The following SLC24A3 variants were observed in gnomAD, a reference collection of about 807,000 sequenced individuals.
SLC24A3 encodes sodium/potassium/calcium exchanger 3.
SLC24A3 carries 28 observed loss-of-function variants against 75.8 expected under a neutral mutation model. That is an observed-to-expected ratio of 0.37 (90% confidence interval 0.27 to 0.51). The LOEUF is 0.51. Among genes scored for constraint, SLC24A3 ranks in the 20% least tolerant of loss-of-function variants. SLC24A3 has a pLI of 0.94. For synonymous variants in SLC24A3, 372 were observed against 334.1 expected, an observed-to-expected ratio of 1.11 and a Z score of -1.24; for missense variants, 663 against 847.8, an observed-to-expected ratio of 0.78 and a Z score of 2.71.
At chr20:19,276,995 A>G (rs768113202) in intron 1 of SLC24A3, among the ~76,000 whole-genome samples, 5 of 152,304 alleles carry the variant, frequency 3.3e-5, no homozygotes, top group East Asian at 1.9e-4. Flanking sequence ...GGAAACAACC[A>G]TCTTTGAAAT....
chr20:19,716,901 C>T (rs1262172464), intron 15 of SLC24A3, among the ~76,000 whole-genome samples: 1 of 152,064 alleles, frequency 6.6e-6, no homozygotes, highest in African/African-American at 2.4e-5. Flanking sequence ...TCCAAATATG[C>T]TTCTCTTTTT....
chr20:19,381,101 A>C (rs144120432), intron 2 of SLC24A3, among the ~76,000 whole-genome samples: 197 of 152,270 alleles, frequency 1.3e-3, no homozygotes, highest in African/African-American at 4.5e-3. Context: ...TAATATACAC[A>C]CCACTATTAC....
At chr20:19,582,802 C>G (rs1013046710) in intron 4 of SLC24A3, among the ~76,000 whole-genome samples, 8 of 152,180 alleles carry the variant, frequency 5.3e-5, no homozygotes, top group African/African-American at 1.9e-4. Flanking sequence ...GAAGAGTGAA[C>G]ATGAACCAAA....
At chr20:19,364,853 A>T (rs533812651) in intron 2 of SLC24A3, among the ~76,000 whole-genome samples, 1 of 152,260 alleles carries the variant, frequency 6.6e-6, no homozygotes, top group East Asian at 1.9e-4. Flanking sequence ...CAGTGCCATT[A>T]TCTGCAGGGT....
At chr20:19,513,297 C>T (rs1443430583) in intron 2 of SLC24A3, among the ~76,000 whole-genome samples, 1 of 152,190 alleles carries the variant, frequency 6.6e-6, no homozygotes, top group Non-Finnish European at 1.5e-5. Context: ...GGGTGTGCAG[C>T]CCTTCTCCCA....
intron 6 of SLC24A3, among the ~76,000 whole-genome samples, chr20:19,632,331 G>T (rs146918911): frequency 1.3e-5 from 2 of 152,260 alleles, no homozygotes; most frequent in East Asian, 1.9e-4. Flanking sequence ...TAAAATCGAG[G>T]TGTCGGTAGG....
In SLC24A3 at chr20:19,593,239, G is replaced by A. The variant is rs564632289; in HGVS notation, c.612+7695G>A. 9.2e-5 allele frequency among the ~76,000 whole-genome samples: 14 copies of A among 152,296 alleles called. No homozygotes were observed. The South Asian group carries it at 2.5e-3, about 27-fold the overall frequency. On this transcript the variant is annotated intron_variant, in intron 6 of 16. Coordinates refer to ENST00000328041, the MANE Select transcript of SLC24A3 (RefSeq NM_020689.4). ...TTCCCCACACTGCCTCCTATCACAG[G>A]CAAGTGGGGCTCTTAGCAAGAATCT...
chr20:19,702,959 T>A (rs1600348885), intron 15 of SLC24A3, among the ~76,000 whole-genome samples: 1 of 152,310 alleles, frequency 6.6e-6, no homozygotes, highest in East Asian at 1.9e-4. Context: ...AATGTTGCAT[T>A]TCATAAGTAA....
At chr20:19,546,201 C>A (rs958388124) in intron 3 of SLC24A3, among the ~76,000 whole-genome samples, 1 of 129,384 alleles carries the variant, frequency 7.7e-6, no homozygotes, top group Non-Finnish European at 1.7e-5. Flanking sequence ...AGGTAATCGA[C>A]CTGAGCCTTC....
At chr20:19,446,411 C>CA (rs1987385926) in intron 2 of SLC24A3, among the ~76,000 whole-genome samples, 2 of 152,186 alleles carry the variant, frequency 1.3e-5, no homozygotes, top group Non-Finnish European at 2.9e-5. Context: ...GTTAATTCTC[C>CA]ATCCATGGAT....
chr20:19,231,579 G>A (rs1982024791), intron 1 of SLC24A3, among the ~76,000 whole-genome samples: 4 of 152,314 alleles, frequency 2.6e-5, no homozygotes, highest in African/African-American at 9.6e-5. Flanking sequence ...TCCAGGAGCT[G>A]GACAAGGCAA....
At chr20:19,472,839 G>A (rs1987897258) in intron 2 of SLC24A3, among the ~76,000 whole-genome samples, 1 of 152,200 alleles carries the variant, frequency 6.6e-6, no homozygotes, top group Non-Finnish European at 1.5e-5. Context: ...TCACACCCTT[G>A]GGCATGCGGA....
At chr20:19,299,018 G>A (rs559893730) in intron 2 of SLC24A3, among the ~76,000 whole-genome samples, 35 of 152,302 alleles carry the variant, frequency 2.3e-4, no homozygotes, top group Middle Eastern at 3.4e-3. Flanking sequence ...GCAGGTGCTG[G>A]CAGTTGGAAG....
intron 15 of SLC24A3, among the ~76,000 whole-genome samples, chr20:19,711,975 T>C (rs1371224287): frequency 6.6e-6 from 1 of 151,320 alleles, no homozygotes; most frequent in Non-Finnish European, 1.5e-5. Context: ...GGGGTAGGGT[T>C]TTGCTCTGCC....
intron 2 of SLC24A3, among the ~76,000 whole-genome samples, chr20:19,363,718 CT>C (rs1985834784): frequency 6.6e-6 from 1 of 152,186 alleles, no homozygotes; most frequent in Admixed American, 6.5e-5. Flanking sequence ...CTACAACAGA[CT>C]GTTTGGAGCC....
At chr20:19,411,974 C>G (rs1294536979) in intron 2 of SLC24A3, among the ~76,000 whole-genome samples, 1 of 152,200 alleles carries the variant, frequency 6.6e-6, no homozygotes, top group African/African-American at 2.4e-5. Flanking sequence ...AACCCCAGCC[C>G]TTACTTGTTC....
chr20:19,344,445 A>G (rs1985342795), intron 2 of SLC24A3, among the ~76,000 whole-genome samples: 1 of 152,200 alleles, frequency 6.6e-6, no homozygotes. Context: ...CTCTGAGACT[A>G]GCATTTAAAT....
At chr20:19,352,393 G>T (rs1229491772) in intron 2 of SLC24A3, among the ~76,000 whole-genome samples, 1 of 152,124 alleles carries the variant, frequency 6.6e-6, no homozygotes. Flanking sequence ...AGCACCAACG[G>T]CAGCAACTAC....
At chr20:19,549,739 A>G (rs1331544379) in intron 3 of SLC24A3, among the ~76,000 whole-genome samples, 1 of 152,224 alleles carries the variant, frequency 6.6e-6, no homozygotes, top group Non-Finnish European at 1.5e-5. Flanking sequence ...AGCCGAGATC[A>G]TGCCATTGCA....
Sources: allele counts gnomAD v4.1 joint callset (sites outside exome capture counted in the v4.1 genomes callset), GRCh38; gene constraint gnomAD v4.1.1; transcripts MANE v1.5; gene names NCBI Gene and HGNC (gene_info 2026-07-23, HGNC 2026-07-21).